SHANK2: variants seen among roughly 807,000 people sequenced by gnomAD.
SHANK2 encodes the protein SH3 and multiple ankyrin repeat domains protein 2.
SHANK2 carries 43 observed loss-of-function variants against 133.7 expected under a neutral mutation model. That is an observed-to-expected ratio of 0.32 (90% CI 0.25 to 0.41). The LOEUF (loss-of-function observed/expected upper bound fraction) is 0.41, where lower values mean the gene tolerates loss of function less well. Among genes scored for constraint, SHANK2 ranks in the 10% least tolerant of loss-of-function variants. The pLI, the probability that SHANK2 is intolerant of heterozygous loss-of-function variation, is 1.00. For synonymous variants in SHANK2, 1,017 were observed against 952.8 expected (o/e 1.07, Z -1.24); for missense variants, 1,994 against 2,235.8 (o/e 0.89, Z 2.18).
At chr11:70,746,920 T>A (rs1347924675) in intron 14 of SHANK2, among the ~76,000 whole-genome samples, 1 of 150,670 alleles carries the variant, frequency 6.6e-6, no homozygotes, top group Non-Finnish European at 1.5e-5. Context: ...TCTGCTTCCC[T>A]CCACCGCTGT....
chr11:70,725,390 G>A (rs1946157656), intron 14 of SHANK2, among the ~76,000 whole-genome samples: 1 of 152,312 alleles, frequency 6.6e-6, no homozygotes, highest in Admixed American at 6.5e-5. Flanking sequence ...TTGGGTACTG[G>A]GACAGGAAGG....
chr11:70,570,316 T>C (rs573561878), intron 17 of SHANK2, among the ~76,000 whole-genome samples: 1 of 152,322 alleles, frequency 6.6e-6, no homozygotes, highest in East Asian at 1.9e-4. Context: ...CTAAAACTGG[T>C]ATTTCTAATT....
chr11:71,147,071 C>T (rs1486966523), intron 3 of SHANK2, 49 bp downstream of exon 3: 9 of 1,469,628 alleles, frequency 6.1e-6, no homozygotes, highest in South Asian at 1.3e-5. Context: ...GTTCAAGCCA[C>T]AGGTGACATT....
chr11:70,684,844 C>T (rs967309191), intron 15 of SHANK2, among the ~76,000 whole-genome samples: 2 of 152,094 alleles, frequency 1.3e-5, no homozygotes, highest in Non-Finnish European at 2.9e-5. Context: ...AGGTCACATG[C>T]CTCACTCTGC....
chr11:71,218,658 T>C (rs1954468746), intron 2 of SHANK2, among the ~76,000 whole-genome samples: 1 of 151,984 alleles, frequency 6.6e-6, no homozygotes, highest in Non-Finnish European at 1.5e-5. Context: ...CACCCAGCTG[T>C]CCACATCAGC....
At chr11:71,074,469 G>T (rs1346518155) in intron 9 of SHANK2, among the ~76,000 whole-genome samples, 1 of 152,112 alleles carries the variant, frequency 6.6e-6, no homozygotes, top group African/African-American at 2.4e-5. Flanking sequence ...TTGGTTGTTG[G>T]GTTGGGGCTT....
intron 10 of SHANK2, among the ~76,000 whole-genome samples, chr11:70,923,990 T>G (rs1950390791): frequency 6.6e-6 from 1 of 152,178 alleles, no homozygotes; most frequent in Non-Finnish European, 1.5e-5. Context: ...TGTGAGACAC[T>G]GCAGTGAGCC....
chr11:71,098,247 G>T (rs141882494), intron 6 of SHANK2, among the ~76,000 whole-genome samples: 1 of 151,742 alleles, frequency 6.6e-6, no homozygotes, highest in Non-Finnish European at 1.5e-5. Context: ...GTGTGCATGT[G>T]CATGCCTGTG....
chr11:70,883,152 C>T (rs577621362), intron 11 of SHANK2, among the ~76,000 whole-genome samples: 19 of 152,250 alleles, frequency 1.2e-4, no homozygotes, highest in African/African-American at 2.9e-4. Context: ...GCGCCGAAAA[C>T]GGGGCAGTGA....
At chr11:70,625,810 G>GAAAAAAAAAAA (rs34147403) in intron 17 of SHANK2, among the ~76,000 whole-genome samples, 1 of 41,382 alleles carries the variant, frequency 2.4e-5, no homozygotes, top group Non-Finnish European at 4.1e-5. Context: ...GTGCAAAAAT[G>GAAAAAAAAAAA]AAAAAAAAAA....
intron 11 of SHANK2, among the ~76,000 whole-genome samples, chr11:70,832,391 G>T (rs1371462044): frequency 3.3e-5 from 5 of 152,186 alleles, no homozygotes; most frequent in African/African-American, 1.2e-4. Flanking sequence ...AAGTCTCCCT[G>T]ACTGATCCAG....
At chr11:70,594,385 G>GGGT (rs1554988873) in intron 17 of SHANK2, among the ~76,000 whole-genome samples, 7 of 152,162 alleles carry the variant, frequency 4.6e-5, no homozygotes, top group Admixed American at 2.0e-4. Flanking sequence ...AAGTCACACA[G>GGGT]TTGGCCCTGA....
chr11:70,614,312 G>GTTTTTTT lies in SHANK2; in HGVS notation c.2061+45515_2061+45516insAAAAAAA, dbSNP rs150637798. ...CTGTTTTAAGCCAGACAGTCTGTGGGTTTTGTTTTTTTTTTTGAGACAGAG... is the reference window on the plus strand; with the variant it reads ...CTGTTTTAAGCCAGACAGTCTGTGGGTTTTTTTTTTTGTTTTTTTTTTTGAGACAGAG... On this transcript the variant is annotated intron_variant, in intron 17 of 25. Coordinates refer to ENST00000601538, the MANE Select transcript of SHANK2 (RefSeq NM_012309.5). 6.1e-5 allele frequency among the ~76,000 whole-genome samples: 9 copies of GTTTTTTT among 147,000 alleles called. 1 individual carries two copies. Among genetic ancestry groups the GTTTTTTT allele is most frequent in the Admixed American group, 6.7e-5 (1 of 14,874 alleles).
At chr11:70,744,558 A>G (rs1219523509) in intron 14 of SHANK2, among the ~76,000 whole-genome samples, 1 of 152,106 alleles carries the variant, frequency 6.6e-6, no homozygotes, top group Non-Finnish European at 1.5e-5. Flanking sequence ...GCTCCTTTCC[A>G]AGTCCCTCTA....
intron 2 of SHANK2, among the ~76,000 whole-genome samples, chr11:71,165,992 A>C (rs2135483400): frequency 2.0e-5 from 3 of 152,250 alleles, no homozygotes; most frequent in Middle Eastern, 6.8e-3. Flanking sequence ...CGCGTGCTGC[A>C]CAGACAGACG....
At chr11:71,210,374 G>A (rs1402393835) in intron 2 of SHANK2, among the ~76,000 whole-genome samples, 2 of 149,880 alleles carry the variant, frequency 1.3e-5, no homozygotes, top group Admixed American at 6.7e-5. Flanking sequence ...TCAGCCTCCC[G>A]AGTAGCTGGG....
intron 9 of SHANK2, among the ~76,000 whole-genome samples, chr11:71,066,550 A>G (rs1171833640): frequency 3.3e-5 from 5 of 152,168 alleles, no homozygotes; most frequent in Non-Finnish European, 5.9e-5. Context: ...ACAACGTTGC[A>G]ACCAGGATGT....
chr11:70,631,870 G>A (rs2060996322), intron 17 of SHANK2: 2 of 151,998 alleles, frequency 1.3e-5, no homozygotes, highest in African/African-American at 4.8e-5. Context: ...CCCGTGCTGA[G>A]CGCCCATCTG....
At chr11:70,911,388 C>CA (rs1452467707) in intron 10 of SHANK2, among the ~76,000 whole-genome samples, 1 of 151,646 alleles carries the variant, frequency 6.6e-6, no homozygotes, top group Non-Finnish European at 1.5e-5. Context: ...AACAAAAAAA[C>CA]AAAAAACAAA....
Sources: allele counts gnomAD v4.1 joint callset (sites outside exome capture counted in the v4.1 genomes callset), GRCh38; gene constraint gnomAD v4.1.1; transcripts MANE v1.5; gene names NCBI Gene and HGNC (gene_info 2026-07-23, HGNC 2026-07-21).